The following IL1RAPL1 variants were observed in gnomAD, a reference collection of about 807,000 sequenced individuals.
IL1RAPL1 encodes the protein interleukin-1 receptor accessory protein-like 1.
In IL1RAPL1, 3 loss-of-function variants were observed where a neutral mutation model predicts 48.4. The ratio of observed to expected loss-of-function variants is 0.06; its 90% CI spans 0.03 to 0.16. The LOEUF is 0.16. Among genes scored for constraint, IL1RAPL1 ranks in the 10% least tolerant of loss-of-function variants. IL1RAPL1 has a pLI of 1.00. For missense variants in IL1RAPL1, 349 were observed against 530.6 expected, an observed-to-expected ratio of 0.66 and a Z score of 3.36; for synonymous variants, 185 against 187.7, an observed-to-expected ratio of 0.99 and a Z score of 0.12.
chrX:28,982,579 T>A (rs60723453), intron 2 of IL1RAPL1, among the ~76,000 whole-genome samples: 2,079 of 111,706 alleles, frequency 0.019, 39 homozygotes, highest in African/African-American at 0.064. Context: ...AGGGTATGTA[T>A]TTCATTTATT....
intron 5 of IL1RAPL1, among the ~76,000 whole-genome samples, chrX:29,427,931 T>C (rs748527757): frequency 8.9e-6 from 1 of 111,958 alleles, no homozygotes; most frequent in African/African-American, 3.2e-5. Context: ...GGGACTGTTA[T>C]CATCCTTGCT....
At chrX:28,932,740 T>C (rs759035904) in intron 2 of IL1RAPL1, among the ~76,000 whole-genome samples, 24 of 75,882 alleles carry the variant, frequency 3.2e-4, no homozygotes, top group Non-Finnish European at 5.2e-4. Flanking sequence ...TTTGTAATGC[T>C]AACAGGTAAA....
At chrX:29,834,874 CATGTTTCCTATT>C (rs1930958712) in intron 6 of IL1RAPL1, among the ~76,000 whole-genome samples, 1 of 111,357 alleles carries the variant, frequency 9.0e-6, no homozygotes, top group Non-Finnish European at 1.9e-5. Context: ...TAAAACTGTT[CATGTTTCCTATT>C]ATGACAGCTG....
intron 5 of IL1RAPL1, among the ~76,000 whole-genome samples, chrX:29,545,684 A>G (rs185744972): frequency 8.9e-6 from 1 of 112,342 alleles, no homozygotes; most frequent in African/African-American, 3.2e-5. Flanking sequence ...CATTGCTGAG[A>G]GCAGTATTCC....
intron 2 of IL1RAPL1, among the ~76,000 whole-genome samples, chrX:28,814,451 G>A (rs1289706167): frequency 5.6e-5 from 6 of 107,983 alleles, no homozygotes; most frequent in African/African-American, 1.4e-4. Context: ...CTAGGGAATG[G>A]TCCATAGAGC....
chrX:28,933,822 A>G (rs1472137009), intron 2 of IL1RAPL1, among the ~76,000 whole-genome samples: 1 of 111,718 alleles, frequency 9.0e-6, no homozygotes, highest in Non-Finnish European at 1.9e-5. Context: ...AGGGCAGGCA[A>G]TTCCTGGAAC....
intron 1 of IL1RAPL1, among the ~76,000 whole-genome samples, chrX:28,666,713 G>A (rs1410208834): frequency 1.8e-5 from 2 of 111,762 alleles, no homozygotes; most frequent in Non-Finnish European, 3.8e-5. Flanking sequence ...TGAAAAATCA[G>A]CTATTCTGAA....
At chrX:28,825,218 T>A (rs1260642473) in intron 2 of IL1RAPL1, among the ~76,000 whole-genome samples, 1 of 111,849 alleles carries the variant, frequency 8.9e-6, no homozygotes, top group East Asian at 2.8e-4. Context: ...TTTAGAAGTA[T>A]CTTTTATTTG....
At chrX:29,913,085 T>C (rs1474357899) in intron 6 of IL1RAPL1, among the ~76,000 whole-genome samples, 1 of 111,203 alleles carries the variant, frequency 9.0e-6, no homozygotes, top group Non-Finnish European at 1.9e-5. Flanking sequence ...AAATAGTACC[T>C]GGTGAATCCA....
chrX:29,741,920 G>A (rs1245289358), intron 6 of IL1RAPL1, among the ~76,000 whole-genome samples: 9 of 65,106 alleles, frequency 1.4e-4, no homozygotes, highest in East Asian at 5.3e-4. Flanking sequence ...GCGAGACTCC[G>A]TCAAAAAAAA....
At chrX:29,505,841 C>T (rs563088006) in intron 5 of IL1RAPL1, among the ~76,000 whole-genome samples, 2 of 111,673 alleles carry the variant, frequency 1.8e-5, no homozygotes, top group Non-Finnish European at 3.8e-5. Flanking sequence ...ACCCCTTGAC[C>T]GACTCCCTCT....
At chrX:29,114,438 A>G (rs1277084176) in intron 2 of IL1RAPL1, among the ~76,000 whole-genome samples, 1 of 112,020 alleles carries the variant, frequency 8.9e-6, no homozygotes, top group African/African-American at 3.2e-5. Flanking sequence ...GTGAGAATAT[A>G]TGCACACCTC....
chrX:29,734,705 A>G lies in IL1RAPL1; in HGVS notation c.778+66201A>G, dbSNP rs770592366. Among the ~76,000 whole-genome samples the G allele has an allele frequency of 3.6e-5, 4 of 112,280 alleles. No individual in the cohort carries two copies. The East Asian group carries it at 1.1e-3, about 31-fold the overall frequency. ...CTTACTGTTCCGTGTTCTCAAAATA[A>G]TAGTTTCAGCAAGATCAGGGGAAGC... On this transcript the variant is annotated intron_variant, in intron 6 of 10. Coordinates refer to ENST00000378993, the MANE Select transcript of IL1RAPL1 (RefSeq NM_014271.4).
chrX:29,403,340 T>A (rs1057274239), intron 5 of IL1RAPL1, among the ~76,000 whole-genome samples: 1 of 110,099 alleles, frequency 9.1e-6, no homozygotes, highest in African/African-American at 3.4e-5. Context: ...CATACTTATA[T>A]TGGGGTGTGT....
At chrX:29,671,955 C>CAT (rs1449737840) in intron 6 of IL1RAPL1, among the ~76,000 whole-genome samples, 2 of 111,968 alleles carry the variant, frequency 1.8e-5, no homozygotes, top group Non-Finnish European at 3.8e-5. Flanking sequence ...TCAGTGTTGT[C>CAT]TTTAAAATAA....
chrX:28,667,438 C>G (rs967513872), intron 1 of IL1RAPL1, among the ~76,000 whole-genome samples: 11 of 112,281 alleles, frequency 9.8e-5, no homozygotes, highest in Admixed American at 6.6e-4. Context: ...TGCTTAAATT[C>G]TTGTCTACAG....
chrX:28,647,913 C>CTT (rs1166431169), intron 1 of IL1RAPL1, among the ~76,000 whole-genome samples: 1 of 111,828 alleles, frequency 8.9e-6, no homozygotes, highest in Non-Finnish European at 1.9e-5. Flanking sequence ...GGTATTTAAA[C>CTT]TTAAAACATC....
At chrX:28,743,435 A>C (rs1303740911) in intron 1 of IL1RAPL1, among the ~76,000 whole-genome samples, 1 of 111,792 alleles carries the variant, frequency 8.9e-6, no homozygotes, top group Non-Finnish European at 1.9e-5. Context: ...GACAAAGCTA[A>C]GCCCTATGTC....
intron 6 of IL1RAPL1, among the ~76,000 whole-genome samples, chrX:29,873,321 G>A (rs1307328682): frequency 9.0e-6 from 1 of 111,498 alleles, no homozygotes; most frequent in Non-Finnish European, 1.9e-5. Flanking sequence ...TTGGTCTTCA[G>A]GTGGTGTGCC....
Sources: allele counts gnomAD v4.1 joint callset (sites outside exome capture counted in the v4.1 genomes callset), GRCh38; gene constraint gnomAD v4.1.1; transcripts MANE v1.5; gene names NCBI Gene and HGNC (gene_info 2026-07-23, HGNC 2026-07-21).